ASIC2: variants seen among roughly 807,000 people sequenced by gnomAD.
ASIC2 encodes the protein acid sensing ion channel subunit 2.
In ASIC2, 25 loss-of-function variants were observed where a neutral mutation model predicts 57.3. The observed-to-expected ratio is 0.44, with a 90% CI of 0.32 to 0.61. The LOEUF (loss-of-function observed/expected upper bound fraction) is 0.61. Ranked by LOEUF, ASIC2 falls within the 20% of genes least tolerant of loss-of-function variation. The probability of loss-of-function intolerance (pLI) is 0.06; values close to 1 mark genes in which losing one functional copy is unlikely to be tolerated. For missense variants in ASIC2, 641 were observed against 738.1 expected (o/e 0.87, Z 1.52); for synonymous variants, 319 against 307.5 (o/e 1.04, Z -0.39).
At chr17:33,904,117 C>T (rs12943680) in intron 1 of ASIC2, among the ~76,000 whole-genome samples, 4,085 of 137,256 alleles carry the variant, frequency 0.03, 188 homozygotes, top group African/African-American at 0.11. Flanking sequence ...GAACCGAGAT[C>T]GCGCCATTGT....
intron 1 of ASIC2, among the ~76,000 whole-genome samples, chr17:33,478,565 G>A (rs1287843013): frequency 1.3e-5 from 2 of 152,172 alleles, no homozygotes; most frequent in African/African-American, 2.4e-5. Context: ...AATCCTTCGG[G>A]AGAAAATTAG....
intron 1 of ASIC2, among the ~76,000 whole-genome samples, chr17:33,636,628 C>T (rs927641165): frequency 3.3e-5 from 5 of 152,158 alleles, no homozygotes; most frequent in East Asian, 1.9e-4. Context: ...GGCTGCTTTC[C>T]GCAGCTGAGA....
At chr17:33,725,001 A>G (rs973675111) in intron 1 of ASIC2, among the ~76,000 whole-genome samples, 2 of 152,240 alleles carry the variant, frequency 1.3e-5, no homozygotes, top group African/African-American at 4.8e-5. Flanking sequence ...TGGAAGCCAC[A>G]GCCGAGATCT....
chr17:33,762,790 T>C (rs1252538366), intron 1 of ASIC2, among the ~76,000 whole-genome samples: 2 of 152,126 alleles, frequency 1.3e-5, no homozygotes, highest in African/African-American at 4.8e-5. Flanking sequence ...AGAGCAGCCA[T>C]GGTTGGGGAT....
At chr17:33,580,173 C>T (rs1190238560) in intron 1 of ASIC2, 1 of 152,156 alleles carries the variant, frequency 6.6e-6, no homozygotes. Flanking sequence ...TATACAGCAT[C>T]CAAACTGGCA....
intron 1 of ASIC2, among the ~76,000 whole-genome samples, chr17:34,058,072 C>T (rs1290794534): frequency 1.3e-5 from 2 of 152,230 alleles, no homozygotes; most frequent in Non-Finnish European, 2.9e-5. Flanking sequence ...CAACTTTCTC[C>T]TTGTCCAAGA....
intron 1 of ASIC2, among the ~76,000 whole-genome samples, chr17:33,417,081 A>C (rs1257487143): frequency 3.9e-5 from 6 of 152,184 alleles, no homozygotes; most frequent in Admixed American, 3.9e-4. Flanking sequence ...GGGTAAAAGC[A>C]GCTCTTTACT....
intron 1 of ASIC2, among the ~76,000 whole-genome samples, chr17:33,977,153 C>T (rs966525696): frequency 6.6e-6 from 1 of 152,080 alleles, no homozygotes; most frequent in African/African-American, 2.4e-5. Context: ...ATTCCCTACA[C>T]CGAGAAGAGG....
At chr17:34,010,991 T>C (rs1418598969) in intron 1 of ASIC2, among the ~76,000 whole-genome samples, 112 of 1,516 alleles carry the variant, frequency 0.074, no homozygotes, top group South Asian at 0.18. Flanking sequence ...CACATACCTC[T>C]AGTCAGACAC....
intron 1 of ASIC2, among the ~76,000 whole-genome samples, chr17:33,449,859 C>T (rs745376130): frequency 1.3e-5 from 2 of 151,994 alleles, no homozygotes; most frequent in Non-Finnish European, 2.9e-5. Context: ...ACTCTAACCT[C>T]TGCTTCCCAG....
intron 1 of ASIC2, among the ~76,000 whole-genome samples, chr17:33,854,394 T>C (rs137904863): frequency 2.0e-5 from 3 of 152,358 alleles, no homozygotes; most frequent in Admixed American, 6.5e-5. Flanking sequence ...TACCCACATA[T>C]GTGTATATCC....
chr17:33,149,282 CT>C (rs1406111166), intron 1 of ASIC2, among the ~76,000 whole-genome samples: 1 of 152,066 alleles, frequency 6.6e-6, no homozygotes, highest in African/African-American at 2.4e-5. Context: ...TTCCAGCTGT[CT>C]TTTTTTCTAA....
At chr17:33,474,033 A>G (rs1200785218) in intron 1 of ASIC2, among the ~76,000 whole-genome samples, 1 of 152,232 alleles carries the variant, frequency 6.6e-6, no homozygotes, top group East Asian at 1.9e-4. Context: ...TCAGAGGTTA[A>G]TGGAGGACAG....
intron 1 of ASIC2, among the ~76,000 whole-genome samples, chr17:33,938,778 T>G (rs933807300): frequency 5.9e-5 from 9 of 152,178 alleles, no homozygotes; most frequent in African/African-American, 1.9e-4. Context: ...CCACCAAGCC[T>G]GAGAGGGGAC....
intron 1 of ASIC2, among the ~76,000 whole-genome samples, chr17:33,441,148 T>G (rs77752793): frequency 0.072 from 10,942 of 152,138 alleles, 494 homozygotes; most frequent in Middle Eastern, 0.12. Flanking sequence ...TATTTACTTA[T>G]ATTTTTTTGT....
At chr17:33,799,455 TTTC>T (rs1233913968) in intron 1 of ASIC2, among the ~76,000 whole-genome samples, 1 of 109,708 alleles carries the variant, frequency 9.1e-6, no homozygotes, top group East Asian at 2.2e-4. Context: ...TCTTTCTTTC[TTTC>T]TTTCTTTCTT....
intron 1 of ASIC2, among the ~76,000 whole-genome samples, chr17:33,438,097 G>A (rs1911691795): frequency 6.6e-6 from 1 of 152,152 alleles, no homozygotes; most frequent in African/African-American, 2.4e-5. Flanking sequence ...CATGAGCAAT[G>A]TATATTTATG....
chr17:33,017,822 C>T (rs1567717680), intron 7 of ASIC2, 138 bp from the exon 8 acceptor site: 1 of 719,700 alleles, frequency 1.4e-6, no homozygotes, highest in Non-Finnish European at 2.3e-6. Context: ...GAGGTCCAGG[C>T]CTTTGGCAGT....
chr17:34,040,578 G>A (rs373244734), intron 1 of ASIC2, among the ~76,000 whole-genome samples: 2 of 152,166 alleles, frequency 1.3e-5, no homozygotes, highest in African/African-American at 4.8e-5. Flanking sequence ...AGACAGGGTA[G>A]GGTGACTTGC....
Sources: allele counts gnomAD v4.1 joint callset (sites outside exome capture counted in the v4.1 genomes callset), GRCh38; gene constraint gnomAD v4.1.1; transcripts MANE v1.5; gene names NCBI Gene and HGNC (gene_info 2026-07-23, HGNC 2026-07-21).